CRX: variants seen among roughly 807,000 people sequenced by gnomAD.
CRX encodes the protein cone-rod homeobox.
CRX carries 5 observed loss-of-function variants against 13.1 expected under a neutral mutation model. The observed-to-expected ratio is 0.38, with a 90% CI of 0.20 to 0.80. The LOEUF is 0.80. Among genes scored for constraint, CRX ranks in the 30% least tolerant of loss-of-function variants. The probability of loss-of-function intolerance (pLI) is 0.43; values close to 1 mark genes in which losing one functional copy is unlikely to be tolerated. For synonymous variants in CRX, 179 were observed against 171.1 expected, an observed-to-expected ratio of 1.05 and a Z score of -0.36; for missense variants, 351 against 391.8, an observed-to-expected ratio of 0.90 and a Z score of 0.88.
At position 47,841,652 on chromosome 19, in the gene CRX, G is replaced by T. The variant is rs539462620; in HGVS notation, c.*1685G>T. ...CTTGGCTTGAGGACATTTTCCTGGG[G>T]TGGCACCATTATTTCTTGAAATAGA... is the stretch of plus-strand genomic sequence containing the variant. On this transcript the variant is annotated 3_prime_UTR_variant, in exon 4 of 4. Transcript: ENST00000221996. The T allele has an allele frequency of 3.3e-5, 5 of 151,322 alleles. No individual in the cohort carries two copies. Among genetic ancestry groups the T allele is most frequent in the African/African-American group, 1.2e-4 (5 of 41,098 alleles). The allele number at this position is 151,322 out of a possible 1,614,324, so 9.4% of individuals were successfully genotyped here. A position where few individuals can be genotyped will look rare whatever the true frequency, so the allele number is the denominator to read the frequency against.
intron 3 of CRX, among the ~76,000 whole-genome samples, chr19:47,838,581 A>G (rs1188683477): frequency 6.6e-6 from 1 of 152,128 alleles, no homozygotes; most frequent in South Asian, 2.1e-4. Flanking sequence ...GTACACTTGC[A>G]TGTATGATCA....
rs1968206018 is a variant in CRX, at chr19:47,842,217, A to G, written c.*2250A>G. ...ACACCCTGATCTCTAGAGCCCACAA[A>G]GAGGTTTTTATTCAACATAAAACGT... On this transcript the variant is annotated 3_prime_UTR_variant, in exon 4 of 4. Coordinates refer to ENST00000221996, the MANE Select transcript of CRX (RefSeq NM_000554.6). The G allele has an allele frequency of 6.6e-6, 1 of 152,296 alleles. No individual in the cohort carries two copies. Among genetic ancestry groups the G allele is most frequent in the Non-Finnish European group, 1.5e-5 (1 of 68,086 alleles). 9.4% of individuals were successfully genotyped at this position (152,296 alleles called of 1,614,324 possible).
At chr19:47,837,588 G>A (rs988723774) in intron 3 of CRX, among the ~76,000 whole-genome samples, 12 of 152,174 alleles carry the variant, frequency 7.9e-5, no homozygotes, top group African/African-American at 2.7e-4. Context: ...GTATATGTAT[G>A]CATGATGTAT....
chr19:47,823,390 G>T (rs1182524945), intron 1 of CRX, among the ~76,000 whole-genome samples: 4 of 152,202 alleles, frequency 2.6e-5, no homozygotes, highest in Non-Finnish European at 5.9e-5. Context: ...CCCACTGTGT[G>T]TGAATTTCTG....
In CRX at chr19:47,841,106, C is replaced by T. The variant is rs982198774; in HGVS notation, c.*1139C>T. The T allele has an allele frequency of 4.6e-5, 7 of 152,086 alleles. No homozygotes were observed. The highest frequency in any genetic ancestry group is 7.3e-5 in the Non-Finnish European group (5 of 68,030). 9.4% of individuals were successfully genotyped at this position (152,086 alleles called of 1,614,324 possible). ...GAAGCCCCGTCGGGAAACCTTAGGC[C>T]AATGATGTGGTTACATTAAAAATAA... On this transcript the variant is annotated 3_prime_UTR_variant, in exon 4 of 4. Coordinates refer to ENST00000221996, the MANE Select transcript of CRX (RefSeq NM_000554.6).
intron 1 of CRX, among the ~76,000 whole-genome samples, chr19:47,825,092 G>C (rs758780208): frequency 7.4e-5 from 11 of 148,592 alleles, no homozygotes; most frequent in Non-Finnish European, 1.3e-4. Context: ...CCGAGTTCAA[G>C]AGATTTTTGT....
In CRX at chr19:47,836,397, G is replaced by A. The variant is rs761746791; in HGVS notation, c.252+3G>A. ...ATCTGCCTGAGTCCAGGGTTCAGGTGGGGTGGTGGGTCCCTGGACCCCTCC... is the reference window on the plus strand; with the variant it reads ...ATCTGCCTGAGTCCAGGGTTCAGGTAGGGTGGTGGGTCCCTGGACCCCTCC... On this transcript the variant is annotated splice_donor_region_variant and intron_variant, in intron 3 of 3. Coordinates refer to ENST00000221996, the MANE Select transcript of CRX (RefSeq NM_000554.6). 3.1e-6 allele frequency: 5 copies of A among 1,614,078 alleles called. No individual in the cohort carries two copies. In the Admixed American group the frequency reaches 8.3e-5, roughly 27 times the overall value.
rs1968163360 is a variant in CRX at position 47,839,433 on chromosome 19, C to T, written c.366C>T (p.Gly122=). 6.2e-7 allele frequency: 1 copy of T among 1,613,768 alleles called. No individual in the cohort carries two copies. The highest frequency in any genetic ancestry group is 1.1e-5 in the South Asian group (1 of 91,094). ...CCCGGCCTGCCAAGAGGAAGGCGGG[C>T]ACGTCCCCAAGACCCTCCACAGATG... ...AKARPAKRKA[G]TSPRPSTDVC... is the part of the protein sequence containing the mutation. The change falls in exon 4 of 4, where the codon GGC becomes GGT. Residue 122 remains glycine, a synonymous_variant. Transcript: ENST00000221996. This position sits in a 1 kb window ranked among gnomAD's most constrained non-coding sequence, Gnocchi z 4.6.
rs1968170166 is a variant in CRX at position 47,839,693 on chromosome 19, G to A, written c.626G>A (p.Gly209Glu). ...SAFCSSPSAY[G>E]SPSSYFSGLD... ...TTCTGCTCTTCCCCCTCCGCCTATG[G>A]GTCTCCGAGCTCCTATTTCAGCGGC... The change falls in exon 4 of 4, where the codon GGG (glycine) becomes GAG (glutamate). Residue 209 changes from glycine (G) to glutamate (E), a missense_variant. Gly to Glu is a moderately conservative substitution (Grantham distance 98). Transcript: ENST00000221996. The surrounding 1 kb of genome is among the most constrained non-coding windows in gnomAD (Gnocchi z 4.6). 1 of 1,613,858 alleles carries A rather than the reference G, an allele frequency of 6.2e-7. No homozygotes were observed. The highest frequency in any genetic ancestry group is 2.2e-5 in the East Asian group (1 of 44,848).
intron 1 of CRX, among the ~76,000 whole-genome samples, chr19:47,825,518 A>C (rs1011391168): frequency 6.6e-6 from 1 of 152,132 alleles, no homozygotes; most frequent in Non-Finnish European, 1.5e-5. Flanking sequence ...TATTGTTATT[A>C]TTCTCTGCTG....
intron 1 of CRX, among the ~76,000 whole-genome samples, chr19:47,832,999 T>C (rs564508976): frequency 6.7e-6 from 1 of 150,044 alleles, no homozygotes; most frequent in Non-Finnish European, 1.5e-5. Flanking sequence ...ACCTGATAGG[T>C]CAAAAGTGAT....
chr19:47,835,233 T>TC (rs1374116297), intron 2 of CRX, among the ~76,000 whole-genome samples: 1 of 151,662 alleles, frequency 6.6e-6, no homozygotes, highest in Non-Finnish European at 1.5e-5. Flanking sequence ...TATTATTTTT[T>TC]TTTTTGTAGA....
chr19:47,828,240 GC>G (rs1968000733), intron 1 of CRX, among the ~76,000 whole-genome samples: 1 of 152,088 alleles, frequency 6.6e-6, no homozygotes, highest in African/African-American at 2.4e-5. Flanking sequence ...GAACAGAGAA[GC>G]TGCGGTCTTA....
At chr19:47,834,576 C>G in intron 2 of CRX, 33 bp downstream of exon 2, 1 of 1,576,536 alleles carries the variant, frequency 6.3e-7, no homozygotes, top group Non-Finnish European at 8.7e-7. Context: ...GCACCCCAGG[C>G]TGGCCTCATC....
intron 3 of CRX, among the ~76,000 whole-genome samples, chr19:47,838,931 A>G (rs1450202589): frequency 1.4e-5 from 2 of 147,098 alleles, no homozygotes; most frequent in Admixed American, 6.8e-5. Flanking sequence ...TATGGTGTAT[A>G]TATGTATAAC....
chr19:47,840,049 G>T lies in CRX; in HGVS notation c.*82G>T. ...TGCTTCCCTGCAGTTTAGATCCCGG[G>T]ATGGCATTCCTGAGAAAGCAACCCG... On this transcript the variant is annotated 3_prime_UTR_variant, in exon 4 of 4. Coordinates refer to ENST00000221996, the MANE Select transcript of CRX (RefSeq NM_000554.6). The T allele has an allele frequency of 1.3e-6, 2 of 1,559,690 alleles. No homozygotes were observed. Among genetic ancestry groups the T allele is most frequent in the Non-Finnish European group, 1.7e-6 (2 of 1,146,876 alleles).
chr19:47,826,597 G>A (rs1278772179), intron 1 of CRX, among the ~76,000 whole-genome samples: 2 of 152,094 alleles, frequency 1.3e-5, no homozygotes, highest in African/African-American at 2.4e-5. Context: ...AGAGTGACAT[G>A]CTGTCCCTAA....
At chr19:47,836,499 C>T in intron 3 of CRX, 105 bp downstream of exon 3, 1 of 1,462,872 alleles carries the variant, frequency 6.8e-7, no homozygotes, top group Non-Finnish European at 9.5e-7. Flanking sequence ...AGAGTGACAG[C>T]CAAAGTTATA....
chr19:47,822,305 C>T (rs902016107), intron 1 of CRX, among the ~76,000 whole-genome samples: 8 of 152,100 alleles, frequency 5.3e-5, no homozygotes, highest in Non-Finnish European at 1.0e-4. Context: ...TGACGGCATC[C>T]GGGGTTGGGG....
Sources: gnomAD v4.1 joint callset for allele counts (sites outside exome capture counted in the v4.1 genomes callset) on GRCh38, gnomAD v4.1.1 for gene constraint, Gnocchi (gnomAD v3.1) non-coding constraint, MANE v1.5 for transcripts, NCBI Gene and HGNC (gene_info 2026-07-23, HGNC 2026-07-21) for gene names.